The following ACADSB variants were observed in gnomAD, a reference collection of about 807,000 sequenced individuals.
ACADSB encodes the protein acyl-CoA dehydrogenase short/branched chain.
ACADSB carries 40 observed loss-of-function variants against 54.1 expected under a neutral mutation model. The observed-to-expected ratio is 0.74, with a 90% CI of 0.57 to 0.96. ACADSB has a LOEUF of 0.96. Among genes scored for constraint, ACADSB ranks in the 40% least tolerant of loss-of-function variants. The pLI, the probability that ACADSB is intolerant of heterozygous loss-of-function variation, is 0.00. For synonymous variants in ACADSB, 182 were observed against 182.8 expected (o/e 1.00, Z 0.03); for missense variants, 530 against 510.4 (o/e 1.04, Z -0.37).
intron 7 of ACADSB, 150 bp from the exon 8 acceptor site, chr10:123,047,059 T>C (rs902391669): frequency 1.5e-6 from 1 of 669,236 alleles, no homozygotes; most frequent in South Asian, 1.7e-5. Context: ...TGGGTGAGGA[T>C]GTGTTATTAA....
rs1045392592 is a variant in ACADSB, at chr10:123,044,266, C to T, written c.808-127C>T. 8.9e-6 allele frequency: 7 copies of T among 785,086 alleles called. No individual in the cohort carries two copies. The African/African-American group carries it at 1.2e-4, about 13-fold the overall frequency. The allele number at this position is 785,086 out of a possible 1,614,324, so 48.6% of individuals were successfully genotyped here. A position where few individuals can be genotyped will look rare whatever the true frequency, so the allele number is the denominator to read the frequency against. ...TGGAAAAACAGCGTAGAGGGAGACA[C>T]AGATGCCGGCAAGTTCTGTGAGAGG... On this transcript the variant is annotated intron_variant, in intron 6 of 10. Coordinates refer to ENST00000358776, the MANE Select transcript of ACADSB (RefSeq NM_001609.4).
At chr10:123,012,068 C>G (rs1313731898) in intron 1 of ACADSB, among the ~76,000 whole-genome samples, 3 of 151,486 alleles carry the variant, frequency 2.0e-5, no homozygotes, top group Non-Finnish European at 4.4e-5. Flanking sequence ...CCAGGCTGGT[C>G]TGGAACTCCT....
In ACADSB at chr10:123,054,943, AG is replaced by A. The variant is rs1589747503; in HGVS notation, c.*1179del. 1 of 152,212 alleles carries A rather than the reference AG, an allele frequency of 6.6e-6. No homozygotes were observed. The highest frequency in any genetic ancestry group is 2.4e-5 in the African/African-American group (1 of 41,438). 9.4% of individuals were successfully genotyped at this position (152,212 alleles called of 1,614,324 possible). ...TTGGGTTTTGGTTCAGTGATTCTCA[AG>A]AAAAAGATCTCTTGCCCATTAAGAA... On this transcript the variant is annotated 3_prime_UTR_variant, in exon 11 of 11. Transcript: ENST00000358776.
intron 1 of ACADSB, among the ~76,000 whole-genome samples, chr10:123,011,770 A>G (rs1264516264): frequency 2.6e-5 from 4 of 151,770 alleles, no homozygotes; most frequent in Non-Finnish European, 5.9e-5. Flanking sequence ...TCCTAACTTC[A>G]TGATCCACCC....
chr10:123,028,784 A>G (rs577027336), intron 1 of ACADSB, among the ~76,000 whole-genome samples: 70 of 152,344 alleles, frequency 4.6e-4, no homozygotes, highest in Non-Finnish European at 8.4e-4. Flanking sequence ...TAATCTCAGC[A>G]CTTTGGGAGG....
rs754072668 is a variant in ACADSB, at chr10:123,041,375, C to T, written c.677C>T (p.Thr226Ile). ...LFLVMANVDP[T>I]IGYKGITSFL... is the part of the protein sequence containing the mutation. ...CTGGTGATGGCAAATGTAGACCCTA[C>T]CATTGTAAGTTTGAAAACGAAATTT... Residue 226 changes from threonine (T) to isoleucine (I), a missense_variant, in exon 5 of 11, where the codon ACC (threonine) becomes ATC (isoleucine). Physicochemically the swap from Thr to Ile is moderately conservative, Grantham distance 89 (BLOSUM62 -1). Transcript: ENST00000358776. The T allele has an allele frequency of 2.5e-6, 4 of 1,614,112 alleles. No individual in the cohort carries two copies. The South Asian group carries it at 3.3e-5, about 13-fold the overall frequency.
chr10:123,040,288 T>G (rs1054703056), intron 3 of ACADSB, among the ~76,000 whole-genome samples, 178 bp from the exon 4 acceptor site: 27 of 151,546 alleles, frequency 1.8e-4, no homozygotes, highest in Non-Finnish European at 1.6e-4. Flanking sequence ...GAGGTGGAGG[T>G]TGCAGTGAGC....
At chr10:123,026,899 A>T (rs1027617946) in intron 1 of ACADSB, among the ~76,000 whole-genome samples, 2 of 152,008 alleles carry the variant, frequency 1.3e-5, no homozygotes, top group African/African-American at 4.8e-5. Context: ...CCTATGGGAG[A>T]GGTTGAGAAG....
At chr10:123,046,557 T>C (rs183655681) in intron 7 of ACADSB, among the ~76,000 whole-genome samples, 6 of 152,192 alleles carry the variant, frequency 3.9e-5, no homozygotes, top group African/African-American at 1.4e-4. Context: ...TTTTACAGAG[T>C]TGAGGTTTAG....
At chr10:123,022,980 C>G (rs180967716) in intron 1 of ACADSB, among the ~76,000 whole-genome samples, 184 of 152,306 alleles carry the variant, frequency 1.2e-3, no homozygotes, top group Non-Finnish European at 2.2e-3. Context: ...ATCTAGATTA[C>G]TTCTGCAAAC....
chr10:123,043,566 A>AT (rs1850505823), intron 6 of ACADSB, among the ~76,000 whole-genome samples: 1 of 152,074 alleles, frequency 6.6e-6, no homozygotes, highest in Admixed American at 6.5e-5. Flanking sequence ...CAGCCAGGCT[A>AT]TTAAACGTGA....
intron 1 of ACADSB, among the ~76,000 whole-genome samples, chr10:123,031,428 T>C (rs1468873912): frequency 6.6e-6 from 1 of 152,212 alleles, no homozygotes; most frequent in Non-Finnish European, 1.5e-5. Flanking sequence ...CAAGTAGCAA[T>C]TGCTGTTCTA....
chr10:123,045,227 G>A (rs1311751259), intron 7 of ACADSB, among the ~76,000 whole-genome samples: 5 of 122,596 alleles, frequency 4.1e-5, no homozygotes, highest in South Asian at 2.8e-4. Flanking sequence ...TGCCCAGGCC[G>A]GAGTGCAGTG....
chr10:123,053,602 T>A (rs1564755270), intron 10 of ACADSB, 93 bp from the exon 11 acceptor site: 4 of 1,089,072 alleles, frequency 3.7e-6, no homozygotes, highest in Non-Finnish European at 5.7e-6. Flanking sequence ...GTAACTGTTT[T>A]ATAGCAAGCG....
chr10:123,009,567 AG>A (rs1349423695), intron 1 of ACADSB, among the ~76,000 whole-genome samples: 2 of 152,198 alleles, frequency 1.3e-5, no homozygotes, highest in Admixed American at 1.3e-4. Context: ...GCTCAAAGGT[AG>A]TAAGGGACTT....
In ACADSB at chr10:123,053,695, G is replaced by T. The variant is rs918891237; in HGVS notation, c.1229G>T (p.Gly410Val). The T allele has an allele frequency of 3.1e-6, 5 of 1,613,138 alleles. No homozygotes were observed. In the South Asian group the frequency reaches 4.4e-5, roughly 14 times the overall value. ...VEKYFRDAKI[G>V]TIYEGASNIQ... ...TTCCTTCTGCTTCCTTTTGCTTAAG[G>T]TACGATATATGAAGGAGCTTCCAAC... Residue 410 changes from glycine (G) to valine (V), a missense_variant and splice_region_variant, in exon 11 of 11, where the codon GGT (glycine) becomes GTT (valine). Gly to Val is a moderately radical substitution (Grantham distance 109, BLOSUM62 -3). Transcript: ENST00000358776.
At chr10:123,040,705 C>A (rs369360411) in intron 4 of ACADSB, 33 bp downstream of exon 4, 51 of 1,572,598 alleles carry the variant, frequency 3.2e-5, no homozygotes, top group Non-Finnish European at 4.1e-5. Context: ...TCTAATGGAT[C>A]TAATCTTTAG....
At chr10:123,034,031 T>C (rs1850362727) in intron 1 of ACADSB, among the ~76,000 whole-genome samples, 3 of 152,226 alleles carry the variant, frequency 2.0e-5, no homozygotes, top group South Asian at 2.1e-4. Flanking sequence ...AGTGGTGCTA[T>C]AGTTCCAGTT....
Position 123,041,216 on chromosome 10 carries a change from G to A in ACADSB, c.518G>A (p.Ser173Asn). ...LPQLTTEKVGSFCLSEAGAGS... is the reference protein window; with the variant it reads ...LPQLTTEKVGNFCLSEAGAGS... Reference sequence around the variant, plus strand: ...TTTTTCTCCCATATGTAGGTAGGAAGTTTCTGCCTTTCAGAGGCTGGAGCA... The same window carrying A: ...TTTTTCTCCCATATGTAGGTAGGAAATTTCTGCCTTTCAGAGGCTGGAGCA... The change falls in exon 5 of 11, where the codon AGT becomes AAT. Residue 173 changes from serine (S) to asparagine (N), a missense_variant. Ser to Asn is a conservative substitution (Grantham distance 46, BLOSUM62 1). Transcript: ENST00000358776. 6.2e-7 allele frequency: 1 copy of A among 1,614,176 alleles called. No individual in the cohort carries two copies. Among genetic ancestry groups the A allele is most frequent in the Non-Finnish European group, 8.5e-7 (1 of 1,180,016 alleles).
Sources: gnomAD v4.1 joint callset for allele counts (sites outside exome capture counted in the v4.1 genomes callset) on GRCh38, gnomAD v4.1.1 for gene constraint, MANE v1.5 for transcripts, NCBI Gene and HGNC (gene_info 2026-07-23, HGNC 2026-07-21) for gene names.